Variants in DIP2B observed in about 807,000 individuals in gnomAD.
DIP2B encodes disco-interacting protein 2 homolog B.
Under a neutral mutation model 198.0 loss-of-function variants are expected in DIP2B, and 76 were observed. That is an observed-to-expected ratio of 0.38 (90% CI 0.32 to 0.46). The LOEUF (loss-of-function observed/expected upper bound fraction) is 0.46, where lower values mean the gene tolerates loss of function less well. Among genes scored for constraint, DIP2B ranks in the 20% least tolerant of loss-of-function variants. The pLI is 0.99. For missense variants in DIP2B, 1,559 were observed against 1,978.4 expected (o/e 0.79, Z 4.02); for synonymous variants, 701 against 739.1 (o/e 0.95, Z 0.84).
rs1026889142 is a variant in DIP2B, at chr12:50,695,365, T to C, written c.1813+5T>C. The C allele has an allele frequency of 6.2e-7, 1 of 1,607,710 alleles. No homozygotes were observed. The highest frequency in any genetic ancestry group is 1.7e-5 in the Admixed American group (1 of 59,462). The stretch of plus-strand genomic sequence containing the variant: ...AAAGAGTACATGCTCACAAAGGTAG[T>C]CACCTGCAACATCTGAGCTTTAATT... On this transcript the variant is annotated splice_donor_5th_base_variant and intron_variant, in intron 15 of 37. Coordinates refer to ENST00000301180, the MANE Select transcript of DIP2B (RefSeq NM_173602.3).
chr12:50,720,105 AT>A (rs1939807567), intron 25 of DIP2B, among the ~76,000 whole-genome samples: 1 of 151,246 alleles, frequency 6.6e-6, no homozygotes, highest in Admixed American at 6.6e-5. Flanking sequence ...TGATTTTTAT[AT>A]TTTTATTAGA....
Position 50,695,274 on chromosome 12 carries a change from T to G in DIP2B, c.1727T>G (p.Met576Arg), listed in dbSNP as rs1465527579. The G allele has an allele frequency of 2.5e-6, 4 of 1,612,996 alleles. No homozygotes were observed. The East Asian group carries it at 8.9e-5, about 36-fold the overall frequency. ...TCTTTCTTTGTTTTTCAGAATGTAATGAATAAGATGCACACAATCAGCGTA... is the reference window on the plus strand; with the variant it reads ...TCTTTCTTTGTTTTTCAGAATGTAAGGAATAAGATGCACACAATCAGCGTA... ...GLWHGMFANV[M>R]NKMHTISVPY... The change falls in exon 15 of 38, where the codon ATG (methionine) becomes AGG (arginine). Residue 576 changes from methionine to arginine, a missense_variant. Coordinates refer to ENST00000301180, the MANE Select transcript of DIP2B (RefSeq NM_173602.3).
intron 1 of DIP2B, among the ~76,000 whole-genome samples, chr12:50,509,569 G>A (rs913814961): frequency 6.6e-6 from 1 of 152,212 alleles, no homozygotes; most frequent in African/African-American, 2.4e-5. Flanking sequence ...ACGTAGCTTT[G>A]TGGTCCTTAA....
intron 33 of DIP2B, among the ~76,000 whole-genome samples, chr12:50,734,858 CAGAGG>C (rs1940107907): frequency 6.6e-6 from 1 of 152,106 alleles, no homozygotes; most frequent in Non-Finnish European, 1.5e-5. Context: ...GGGCAGAGGC[CAGAGG>C]TGTTGGTAAA....
At chr12:50,642,497 T>TCTAGGAGTAGTACTACAACCTCC (rs1339987020) in intron 3 of DIP2B, among the ~76,000 whole-genome samples, 1 of 152,036 alleles carries the variant, frequency 6.6e-6, no homozygotes, top group Non-Finnish European at 1.5e-5. Context: ...TAGAAGTATT[T>TCTAGGAGTAGTACTACAACCTCC]ACTAGTAGGC....
In DIP2B at chr12:50,505,159, G is replaced by T; in HGVS notation, c.19G>T (p.Glu7Ter). The T allele has an allele frequency of 6.5e-7, 1 of 1,528,412 alleles. No individual in the cohort carries two copies. 94.7% of individuals were successfully genotyped at this position (1,528,412 alleles called of 1,614,324 possible). Residue 7 changes from glutamate to a stop codon, truncating the protein, a stop_gained, in exon 1 of 38, where the codon GAG (glutamate) becomes TAG (stop). Coordinates refer to ENST00000301180, the MANE Select transcript of DIP2B (RefSeq NM_173602.3). LOFTEE classifies it high-confidence loss of function. ...AGCTGGGATGGCGGAACGAGGCCTG[G>T]AGCCGTCGCCGGCCGCGGTGGCGGC... MAERGL[E>*]PSPAAVAALP...
intron 1 of DIP2B, among the ~76,000 whole-genome samples, chr12:50,597,310 G>T (rs1249633588): frequency 1.3e-5 from 2 of 152,138 alleles, no homozygotes; most frequent in Non-Finnish European, 2.9e-5. Context: ...TTTAAGAAAA[G>T]GCATTTGAAA....
chr12:50,566,989 A>G (rs11169494), intron 1 of DIP2B, among the ~76,000 whole-genome samples: 10,350 of 147,614 alleles, frequency 0.07, 557 homozygotes, highest in Non-Finnish European at 0.11. Flanking sequence ...AAAAAAAAAA[A>G]AAAGAAAGAA....
chr12:50,599,344 G>A (rs1455339012), intron 1 of DIP2B, among the ~76,000 whole-genome samples: 1 of 150,972 alleles, frequency 6.6e-6, no homozygotes, highest in Non-Finnish European at 1.5e-5. Flanking sequence ...GGCTGAGCAC[G>A]GTGGCTCACG....
intron 1 of DIP2B, among the ~76,000 whole-genome samples, chr12:50,549,391 A>C (rs1039785286): frequency 2.6e-5 from 4 of 152,018 alleles, no homozygotes; most frequent in Admixed American, 2.6e-4. Flanking sequence ...TAAGCCCGGC[A>C]TGGTGGCGGG....
intron 1 of DIP2B, among the ~76,000 whole-genome samples, chr12:50,591,293 AT>A (rs1019858387): frequency 2.6e-5 from 4 of 152,134 alleles, no homozygotes; most frequent in African/African-American, 9.7e-5. Flanking sequence ...TTAATGCCCA[AT>A]TCTTGAACCT....
chr12:50,697,180 T>C lies in DIP2B; in HGVS notation c.2048+5T>C, dbSNP rs1939327321. 1.9e-6 allele frequency: 3 copies of C among 1,612,770 alleles called. No homozygotes were observed. Among genetic ancestry groups the C allele is most frequent in the Non-Finnish European group, 2.5e-6 (3 of 1,179,122 alleles). On this transcript the variant is annotated splice_donor_5th_base_variant and intron_variant, in intron 17 of 37. Coordinates refer to ENST00000301180, the MANE Select transcript of DIP2B (RefSeq NM_173602.3). ...CATGACTGTAGCAATCCGCAGGTACTGTTCAGGATGTCAGATGCTCTTGAT... is the reference window on the plus strand; with the variant it reads ...CATGACTGTAGCAATCCGCAGGTACCGTTCAGGATGTCAGATGCTCTTGAT...
At position 50,658,086 on chromosome 12, in the gene DIP2B, C is replaced by CA. The variant is rs1156952803; in HGVS notation, c.302-2093dup. On this transcript the variant is annotated intron_variant, in intron 3 of 37. Transcript: ENST00000301180. ...CAGCATACATAGCAAGACCTCATCT[C>CA]AAAAAAAAAAAAAAAGAAAGAAAAA... 8.2e-3 allele frequency among the ~76,000 whole-genome samples: 649 copies of CA among 79,626 alleles called. 2 individuals carry two copies. Among genetic ancestry groups the CA allele is most frequent in the African/African-American group, 9.1e-3 (193 of 21,146 alleles). 52.2% of individuals were successfully genotyped at this position (79,626 alleles called of 152,430 possible).
intron 1 of DIP2B, among the ~76,000 whole-genome samples, chr12:50,559,341 G>T (rs186143176): frequency 1.4e-5 from 2 of 144,788 alleles, no homozygotes; most frequent in African/African-American, 2.5e-5. Context: ...TGCTGGGCTG[G>T]CATAACAAAA....
chr12:50,623,322 A>G (rs1937851468), intron 1 of DIP2B, among the ~76,000 whole-genome samples: 1 of 151,616 alleles, frequency 6.6e-6, no homozygotes, highest in Non-Finnish European at 1.5e-5. Flanking sequence ...GCCGTGAGCT[A>G]TGATCACACC....
At chr12:50,541,403 C>CT (rs57979674) in intron 1 of DIP2B, among the ~76,000 whole-genome samples, 38,459 of 128,582 alleles carry the variant, frequency 0.3, 5,801 homozygotes, top group Non-Finnish European at 0.37. Context: ...AAAGAACATT[C>CT]TTTTTTTTTT....
At chr12:50,730,152 G>A (rs993492581) in intron 30 of DIP2B, among the ~76,000 whole-genome samples, 4 of 151,996 alleles carry the variant, frequency 2.6e-5, no homozygotes, top group African/African-American at 4.8e-5. Context: ...TCCCTACTCC[G>A]TATGTCCATA....
At chr12:50,657,133 A>G (rs1018073268) in intron 3 of DIP2B, 6 of 148,702 alleles carry the variant, frequency 4.0e-5, no homozygotes, top group African/African-American at 9.9e-5. Flanking sequence ...CTGTAATCCT[A>G]TTCACTTTTG....
chr12:50,539,302 A>C (rs572922121), intron 1 of DIP2B, among the ~76,000 whole-genome samples: 33 of 146,232 alleles, frequency 2.3e-4, no homozygotes, highest in African/African-American at 8.1e-4. Context: ...ACTATCTCTT[A>C]TGGAATATTA....
Sources: gnomAD v4.1 joint callset for allele counts (sites outside exome capture counted in the v4.1 genomes callset) on GRCh38, gnomAD v4.1.1 for gene constraint, MANE v1.5 for transcripts, NCBI Gene and HGNC (gene_info 2026-07-23, HGNC 2026-07-21) for gene names.